The following SEMA6D variants were observed in gnomAD, a reference collection of about 807,000 sequenced individuals.
SEMA6D encodes semaphorin 6D.
Under a neutral mutation model 106.6 loss-of-function variants are expected in SEMA6D, and 35 were observed. The ratio of observed to expected loss-of-function variants is 0.33; its 90% CI spans 0.25 to 0.44. SEMA6D has a LOEUF of 0.44. Among genes scored for constraint, SEMA6D ranks in the 20% least tolerant of loss-of-function variants. The probability of loss-of-function intolerance (pLI) is 1.00; values close to 1 mark genes in which losing one functional copy is unlikely to be tolerated. For missense variants in SEMA6D, 1,185 were observed against 1,345.9 expected, an observed-to-expected ratio of 0.88 and a Z score of 1.87; for synonymous variants, 499 against 487.7, an observed-to-expected ratio of 1.02 and a Z score of -0.31.
chr15:47,226,415 C>T (rs1595770194), intron 1 of SEMA6D, among the ~76,000 whole-genome samples: 1 of 152,144 alleles, frequency 6.6e-6, no homozygotes, highest in South Asian at 2.1e-4. Flanking sequence ...ATCTCCCCGT[C>T]TAAAACATAA....
intron 1 of SEMA6D, among the ~76,000 whole-genome samples, chr15:47,277,674 C>T (rs1248886346): frequency 6.6e-6 from 1 of 150,720 alleles, no homozygotes; most frequent in East Asian, 1.9e-4. Flanking sequence ...AGGTTAGTTA[C>T]ATATGTATAC....
chr15:47,762,809 T>C (rs1218014255), intron 8 of SEMA6D, among the ~76,000 whole-genome samples: 1 of 152,210 alleles, frequency 6.6e-6, no homozygotes, highest in Non-Finnish European at 1.5e-5. Context: ...TAGGTCTTTT[T>C]ACAGTCCATT....
chr15:47,581,169 C>T (rs2076248051), intron 3 of SEMA6D, among the ~76,000 whole-genome samples: 1 of 152,192 alleles, frequency 6.6e-6, no homozygotes, highest in African/African-American at 2.4e-5. Flanking sequence ...GACCACTTAA[C>T]ATATATAAAA....
chr15:47,749,596 G>A (rs2081323273), intron 1 of SEMA6D, among the ~76,000 whole-genome samples: 1 of 152,192 alleles, frequency 6.6e-6, no homozygotes, highest in Non-Finnish European at 1.5e-5. Flanking sequence ...CTAAACCTAT[G>A]CTCCGCAGGA....
chr15:47,441,195 T>C (rs1444537912), intron 2 of SEMA6D, among the ~76,000 whole-genome samples: 1 of 152,110 alleles, frequency 6.6e-6, no homozygotes, highest in African/African-American at 2.4e-5. Context: ...TCACCTGTCC[T>C]TCCAGACAAG....
intron 3 of SEMA6D, among the ~76,000 whole-genome samples, chr15:47,579,223 C>A (rs970402142): frequency 6.6e-5 from 10 of 151,550 alleles, no homozygotes; most frequent in African/African-American, 2.2e-4. Flanking sequence ...CTCACTGCAA[C>A]CTCCACCTCC....
intron 1 of SEMA6D, among the ~76,000 whole-genome samples, chr15:47,200,440 A>G (rs1424067154): frequency 1.3e-5 from 2 of 152,210 alleles, no homozygotes; most frequent in African/African-American, 2.4e-5. Context: ...TAAAATTCAC[A>G]TATCTGTTGG....
intron 4 of SEMA6D, among the ~76,000 whole-genome samples, chr15:47,642,797 T>G (rs183505967): frequency 6.6e-6 from 1 of 152,092 alleles, no homozygotes; most frequent in Admixed American, 6.6e-5. Context: ...TGGGATGATG[T>G]ATGGTTTTAT....
chr15:47,302,421 A>G (rs959547182), intron 1 of SEMA6D, among the ~76,000 whole-genome samples: 1 of 152,240 alleles, frequency 6.6e-6, no homozygotes, highest in Non-Finnish European at 1.5e-5. Flanking sequence ...AGAGAAAAGC[A>G]TACTAACTGT....
chr15:47,355,815 G>A (rs557673202), intron 1 of SEMA6D, among the ~76,000 whole-genome samples: 46 of 152,146 alleles, frequency 3.0e-4, no homozygotes, highest in Non-Finnish European at 4.9e-4. Context: ...TACTAGAAGG[G>A]CATGTAAATT....
chr15:47,765,868 G>A lies in SEMA6D; in HGVS notation c.1428-1G>A, dbSNP rs2082310584. On this transcript the variant is annotated splice_acceptor_variant, in intron 13 of 18. Coordinates refer to ENST00000536845, the MANE Select transcript of SEMA6D (RefSeq NM_001358351.3). LOFTEE classifies it high-confidence loss of function. ...GCTTCAAAATGTATCCCACAAAATAGGTGCAGTGCTGAGAATGAGGAAGAC... is the reference window on the plus strand; with the variant it reads ...GCTTCAAAATGTATCCCACAAAATAAGTGCAGTGCTGAGAATGAGGAAGAC... The A allele has an allele frequency of 1.3e-6, 2 of 1,491,682 alleles. No homozygotes were observed. Among genetic ancestry groups the A allele is most frequent in the South Asian group, 1.5e-5 (1 of 67,614 alleles). The allele number at this position is 1,491,682 out of a possible 1,614,324, so 92.4% of individuals were successfully genotyped here.
chr15:47,292,442 T>A (rs1051130600), intron 1 of SEMA6D, among the ~76,000 whole-genome samples: 2 of 152,202 alleles, frequency 1.3e-5, no homozygotes, highest in East Asian at 1.9e-4. Context: ...TCAAATGAGT[T>A]TTTTGTTTTC....
At chr15:47,704,383 A>C (rs2078873172) in intron 4 of SEMA6D, among the ~76,000 whole-genome samples, 1 of 152,214 alleles carries the variant, frequency 6.6e-6, no homozygotes, top group South Asian at 2.1e-4. Context: ...CATCACTTTA[A>C]ATAGTGAGTT....
At chr15:47,425,098 C>T (rs2041287852) in intron 2 of SEMA6D, among the ~76,000 whole-genome samples, 1 of 152,046 alleles carries the variant, frequency 6.6e-6, no homozygotes, top group South Asian at 2.1e-4. Flanking sequence ...TTTTCCAGGC[C>T]ATCTCCCGGA....
At chr15:47,501,646 T>TCA (rs1485557492) in intron 3 of SEMA6D, among the ~76,000 whole-genome samples, 1 of 152,200 alleles carries the variant, frequency 6.6e-6, no homozygotes, top group African/African-American at 2.4e-5. Flanking sequence ...GCAGAGGGTT[T>TCA]CTGGAAACTG....
At chr15:47,378,682 A>G (rs528617175) in intron 1 of SEMA6D, among the ~76,000 whole-genome samples, 10 of 152,366 alleles carry the variant, frequency 6.6e-5, no homozygotes, top group African/African-American at 2.4e-4. Flanking sequence ...GTTTGGAAAG[A>G]TAAAATTCTG....
intron 3 of SEMA6D, among the ~76,000 whole-genome samples, chr15:47,517,568 A>G (rs1447192247): frequency 6.6e-6 from 1 of 152,104 alleles, no homozygotes; most frequent in Non-Finnish European, 1.5e-5. Flanking sequence ...CAAAGATGTC[A>G]TTTTTGTTTT....
At chr15:47,595,158 T>C (rs959991800) in intron 3 of SEMA6D, among the ~76,000 whole-genome samples, 1 of 152,178 alleles carries the variant, frequency 6.6e-6, no homozygotes, top group South Asian at 2.1e-4. Context: ...AAAATCACAT[T>C]TATTTTAAAA....
At chr15:47,475,839 C>A (rs572934774) in intron 3 of SEMA6D, among the ~76,000 whole-genome samples, 11 of 152,290 alleles carry the variant, frequency 7.2e-5, no homozygotes, top group African/African-American at 2.6e-4. Context: ...GCTTCAATTT[C>A]CCCCCTTTCT....
Sources: allele counts gnomAD v4.1 joint callset (sites outside exome capture counted in the v4.1 genomes callset), GRCh38; gene constraint gnomAD v4.1.1; transcripts MANE v1.5; gene names NCBI Gene and HGNC (gene_info 2026-07-23, HGNC 2026-07-21).